The following C1QTNF3 variants were observed in gnomAD, a reference collection of about 807,000 sequenced individuals.
C1QTNF3 encodes the protein C1q and TNF related 3.
Under a neutral mutation model 32.6 loss-of-function variants are expected in C1QTNF3, and 26 were observed. The observed-to-expected ratio is 0.80, with a 90% CI of 0.58 to 1.11. C1QTNF3 has a LOEUF of 1.11. Among genes scored for constraint, C1QTNF3 ranks in the 50% least tolerant of loss-of-function variants. The probability of loss-of-function intolerance (pLI) is 0.00; values close to 1 mark genes in which losing one functional copy is unlikely to be tolerated. For synonymous variants in C1QTNF3, 155 were observed against 146.0 expected (o/e 1.06, Z -0.44); for missense variants, 362 against 398.2 (o/e 0.91, Z 0.77).
the C1QTNF3 span, among the ~76,000 whole-genome samples, chr5:34,228,260 G>C: frequency 6.6e-6 from 1 of 150,974 alleles, no homozygotes; most frequent in Non-Finnish European, 1.5e-5. Context: ...AGGAATATTA[G>C]CTCTGATTCT....
the C1QTNF3 span, among the ~76,000 whole-genome samples, chr5:34,229,379 C>T: frequency 2.0e-4 from 31 of 151,980 alleles, no homozygotes; most frequent in Non-Finnish European, 8.8e-5. Flanking sequence ...CTCAATCAAC[C>T]TTAATGACTG....
chr5:34,154,633 G>A, the C1QTNF3 span, among the ~76,000 whole-genome samples: 1 of 152,140 alleles, frequency 6.6e-6, no homozygotes, highest in Non-Finnish European at 1.5e-5. Flanking sequence ...GACTTTGTGG[G>A]CATTAATAAT....
the C1QTNF3 span, among the ~76,000 whole-genome samples, chr5:34,132,831 T>C: frequency 3.3e-5 from 5 of 152,184 alleles, no homozygotes; most frequent in African/African-American, 7.2e-5. Flanking sequence ...CATTCAAATA[T>C]AATCTGGAAT....
chr5:34,178,172 T>C, the C1QTNF3 span, among the ~76,000 whole-genome samples: 1 of 148,500 alleles, frequency 6.7e-6, no homozygotes, highest in Non-Finnish European at 1.5e-5. Context: ...TCCAAGCTAC[T>C]TGGGAGGCTG....
chr5:34,111,393 C>G, the C1QTNF3 span, among the ~76,000 whole-genome samples: 1 of 151,936 alleles, frequency 6.6e-6, no homozygotes, highest in Non-Finnish European at 1.5e-5. Flanking sequence ...CTAAATGCAG[C>G]AATAAACAGC....
chr5:34,099,046 C>T, the C1QTNF3 span, among the ~76,000 whole-genome samples: 1 of 152,146 alleles, frequency 6.6e-6, no homozygotes, highest in Non-Finnish European at 1.5e-5. Flanking sequence ...GAAATCCTGT[C>T]CATGTTTTCC....
chr5:34,187,590 C>T, the C1QTNF3 span, among the ~76,000 whole-genome samples: 1 of 152,376 alleles, frequency 6.6e-6, no homozygotes, highest in African/African-American at 2.4e-5. Context: ...TATGCAAAGA[C>T]ACTGCAGGCA....
At chr5:34,099,905 CT>C in the C1QTNF3 span, among the ~76,000 whole-genome samples, 1 of 144,532 alleles carries the variant, frequency 6.9e-6, no homozygotes, top group African/African-American at 2.6e-5. Context: ...AGGTTTGGGT[CT>C]TTTTTTTTCC....
the C1QTNF3 span, among the ~76,000 whole-genome samples, chr5:34,217,925 T>C: frequency 0.037 from 5,689 of 152,034 alleles, 360 homozygotes; most frequent in African/African-American, 0.13. Context: ...ACCAAATGTA[T>C]AAAAGAAATA....
chr5:34,161,690 A>G, the C1QTNF3 span, among the ~76,000 whole-genome samples: 1 of 152,320 alleles, frequency 6.6e-6, no homozygotes, highest in East Asian at 1.9e-4. Flanking sequence ...TTTATCTTTC[A>G]TAGTGAAATA....
the C1QTNF3 span, among the ~76,000 whole-genome samples, chr5:34,175,116 T>C: frequency 6.7e-6 from 1 of 148,718 alleles, no homozygotes; most frequent in Admixed American, 6.8e-5. Context: ...TAATCACAGC[T>C]TACTGCAGCC....
the C1QTNF3 span, among the ~76,000 whole-genome samples, chr5:34,223,558 T>C: frequency 6.6e-6 from 1 of 151,762 alleles, no homozygotes; most frequent in African/African-American, 2.4e-5. Flanking sequence ...CTGGGTCAAA[T>C]GCTATTTCTA....
chr5:34,126,586 G>T, the C1QTNF3 span, among the ~76,000 whole-genome samples: 1 of 145,116 alleles, frequency 6.9e-6, no homozygotes, highest in Non-Finnish European at 1.5e-5. Context: ...CCAGCAATCT[G>T]ATTTCTGAGT....
the C1QTNF3 span, among the ~76,000 whole-genome samples, chr5:34,133,707 T>C: frequency 2.0e-5 from 3 of 152,198 alleles, no homozygotes; most frequent in Non-Finnish European, 4.4e-5. Flanking sequence ...TCTACCATCA[T>C]AGCAAAGCCT....
intron 1 of C1QTNF3, among the ~76,000 whole-genome samples, chr5:34,038,458 AAG>A (rs1479985559): frequency 3.3e-5 from 5 of 152,202 alleles, no homozygotes; most frequent in African/African-American, 9.7e-5. Context: ...TTATTAAAAA[AAG>A]AGAGAGAAGC....
chr5:34,126,769 G>A, the C1QTNF3 span, among the ~76,000 whole-genome samples: 1 of 151,744 alleles, frequency 6.6e-6, no homozygotes, highest in African/African-American at 2.4e-5. Context: ...ATTAAGAGAG[G>A]GAAATTCTGT....
At chr5:34,147,452 T>C in the C1QTNF3 span, among the ~76,000 whole-genome samples, 1 of 152,120 alleles carries the variant, frequency 6.6e-6, no homozygotes, top group Non-Finnish European at 1.5e-5. Flanking sequence ...GAAAATGTGG[T>C]ATAAATACAT....
the C1QTNF3 span, among the ~76,000 whole-genome samples, chr5:34,162,649 A>C: frequency 6.6e-6 from 1 of 152,194 alleles, no homozygotes; most frequent in Non-Finnish European, 1.5e-5. Context: ...AGAGGGGCTA[A>C]AATATTACAG....
At chr5:34,056,420 ATGTGTGTG>A in the C1QTNF3 span, among the ~76,000 whole-genome samples, 850 of 38,448 alleles carry the variant, frequency 0.022, 46 homozygotes, top group Middle Eastern at 0.089. Context: ...ATGTATATGT[ATGTGTGTG>A]TGTGTGTGTG....
Sources: gnomAD v4.1 joint callset for allele counts (sites outside exome capture counted in the v4.1 genomes callset) on GRCh38, gnomAD v4.1.1 for gene constraint, MANE v1.5 for transcripts, NCBI Gene and HGNC (gene_info 2026-07-23, HGNC 2026-07-21) for gene names.